EP400: variants seen among roughly 807,000 people sequenced by gnomAD.
The protein encoded by EP400 is E1A binding protein p400, also known as E1A-binding protein p400.
Under a neutral mutation model 354.1 loss-of-function variants are expected in EP400, and 105 were observed. The observed-to-expected ratio is 0.30, with a 90% CI of 0.25 to 0.35. The LOEUF (loss-of-function observed/expected upper bound fraction) is 0.35. EP400 is among the 10% of genes least tolerant of loss of function. The pLI, the probability that EP400 is intolerant of heterozygous loss-of-function variation, is 1.00. For missense variants in EP400, 3,280 were observed against 4,121.0 expected (o/e 0.80, Z 5.59); for synonymous variants, 1,646 against 1,716.9 (o/e 0.96, Z 1.02).
Position 131,994,928 on chromosome 12 carries a change from A to G in EP400, c.2799A>G (p.Gln933=), listed in dbSNP as rs1198629793. ...EEANEGVVDH[Q]TELSNLAKEA... is the part of the protein sequence containing the mutation. ...CAAATGAAGGCGTTGTGGACCACCA[A>G]ACAGAACTTTCTAATTTAGCCAAGG... is the stretch of plus-strand genomic sequence containing the variant. Residue 933 remains glutamine, a synonymous_variant, in exon 12 of 53, where the codon CAA becomes CAG. Transcript: ENST00000389561. The surrounding 1 kb of genome is among the most constrained non-coding windows in gnomAD (Gnocchi z 4.6). 2 of 1,614,004 alleles carry G rather than the reference A, an allele frequency of 1.2e-6. No homozygotes were observed. The highest frequency in any genetic ancestry group is 2.7e-5 in the African/African-American group (2 of 74,934).
chr12:132,044,344 C>T lies in EP400; in HGVS notation c.6585+33C>T, dbSNP rs188094383. The T allele has an allele frequency of 4.4e-6, 7 of 1,599,276 alleles. No individual in the cohort carries two copies. In the Admixed American group the frequency reaches 5.1e-5, roughly 12 times the overall value. ...GCCCGGGGCCCTCCTGCCCTCTTGC[C>T]CCCCTGCTGAGGGGCACTTGTGCAG... On this transcript the variant is annotated intron_variant, in intron 35 of 52. Coordinates refer to ENST00000389561, the MANE Select transcript of EP400 (RefSeq NM_015409.5).
At chr12:132,019,867 G>A (rs1894067430) in intron 21 of EP400, among the ~76,000 whole-genome samples, 182 bp from the exon 22 acceptor site, 2 of 152,094 alleles carry the variant, frequency 1.3e-5, no homozygotes, top group East Asian at 1.9e-4. Flanking sequence ...CCCGGGCCCG[G>A]GGTGAGCTTA....
Position 132,025,898 on chromosome 12 carries a change from A to G in EP400, c.5014+94A>G. 2.2e-6 allele frequency: 3 copies of G among 1,383,220 alleles called. No individual in the cohort carries two copies. Among genetic ancestry groups the G allele is most frequent in the African/African-American group, 2.9e-5 (2 of 69,666 alleles). 85.7% of individuals were successfully genotyped at this position (1,383,220 alleles called of 1,614,324 possible). On this transcript the variant is annotated intron_variant, in intron 25 of 52. Transcript: ENST00000389561. The surrounding 1 kb of genome is among the most constrained non-coding windows in gnomAD (Gnocchi z 4.1). ...AAAGCATTCATGTGTCTTTGACTGTATCTCAGAACAGCACAGTCTAGTGTG... is the reference window on the plus strand; with the variant it reads ...AAAGCATTCATGTGTCTTTGACTGTGTCTCAGAACAGCACAGTCTAGTGTG...
chr12:132,013,730 A>C lies in EP400; in HGVS notation c.3787-47A>C, dbSNP rs1893836509. 3.0e-5 allele frequency: 48 copies of C among 1,610,718 alleles called. No individual in the cohort carries two copies. The highest frequency in any genetic ancestry group is 4.0e-5 in the Non-Finnish European group (47 of 1,178,374). On this transcript the variant is annotated intron_variant, in intron 18 of 52. Transcript: ENST00000389561. The surrounding 1 kb of genome is among the most constrained non-coding windows in gnomAD (Gnocchi z 4.5). The stretch of plus-strand genomic sequence containing the variant: ...GCGTATGCCTTGTTATAAACGTGTT[A>C]CAGCAGCATTTTTGGAAAGAAAACA...
At position 132,050,629 on chromosome 12, in the gene EP400, C is replaced by T. The variant is rs770082346; in HGVS notation, c.7368C>T (p.Pro2456=). 1 of 1,614,220 alleles carries T rather than the reference C, an allele frequency of 6.2e-7. No individual in the cohort carries two copies. The highest frequency in any genetic ancestry group is 8.5e-7 in the Non-Finnish European group (1 of 1,180,036). ...GCATGAATCCCTTTCAGAAGAACCC[C>T]AAGCACGCGTCTGTGTTGGCAGAAA... The part of the protein sequence containing the change: ...LLGMNPFQKN[P]KHASVLAESG... Residue 2456 remains proline, a synonymous_variant, in exon 41 of 53, where the codon CCC becomes CCT. Transcript: ENST00000389561. This position sits in a 1 kb window ranked among gnomAD's most constrained non-coding sequence, Gnocchi z 4.8.
intron 2 of EP400, chr12:131,963,577 G>A (rs1250472543): frequency 1.0e-5 from 16 of 1,598,328 alleles, no homozygotes; most frequent in African/African-American, 2.7e-5. Context: ...GACTCCCGTT[G>A]CTATAGCAAC....
intron 12 of EP400, among the ~76,000 whole-genome samples, chr12:131,999,638 C>T (rs372164347): frequency 6.6e-6 from 1 of 151,976 alleles, no homozygotes; most frequent in Admixed American, 6.6e-5. Context: ...AGGGTTTTAC[C>T]GTGTTGCCCA....
intron 2 of EP400, among the ~76,000 whole-genome samples, chr12:131,969,268 T>C (rs980433124): frequency 2.0e-5 from 3 of 152,184 alleles, no homozygotes; most frequent in African/African-American, 7.2e-5. Context: ...TTTTCTTCTT[T>C]AGTCTGTAAA....
In EP400 at chr12:132,064,656, C is replaced by A; in HGVS notation, c.8335-12C>A. 6.2e-7 allele frequency: 1 copy of A among 1,608,240 alleles called. No homozygotes were observed. The highest frequency in any genetic ancestry group is 8.5e-7 in the Non-Finnish European group (1 of 1,175,764). ...TTAATGTTGAAGAGAAGATACTTTG[C>A]TTGTATTTTAGGAACACCTCATCAA... On this transcript the variant is annotated splice_polypyrimidine_tract_variant and intron_variant, in intron 47 of 52. Transcript: ENST00000389561.
chr12:131,962,968 T>C (rs1268617552), intron 2 of EP400, among the ~76,000 whole-genome samples: 1 of 152,242 alleles, frequency 6.6e-6, no homozygotes, highest in Admixed American at 6.5e-5. Flanking sequence ...CATTTTGTGT[T>C]TTCTTTTAAC....
rs1350821193 is a variant in EP400, at chr12:132,027,919, CAT to C, written c.5110-95_5110-94del. The C allele has an allele frequency of 1.9e-5, 25 of 1,306,530 alleles. No individual in the cohort carries two copies. Among genetic ancestry groups the C allele is most frequent in the Non-Finnish European group, 2.6e-5 (24 of 935,302 alleles). The allele number at this position is 1,306,530 out of a possible 1,614,324, so 80.9% of individuals were successfully genotyped here. On this transcript the variant is annotated intron_variant, in intron 26 of 52. Transcript: ENST00000389561. The surrounding 1 kb of genome is among the most constrained non-coding windows in gnomAD (Gnocchi z 4.9). ...AGACCGGGGATATTGAAGTGGATCT[CAT>C]ATGTGGGAAATCACGGGCTGGGTGG...
rs1894223199 is a variant in EP400, at chr12:132,024,273, T to C, written c.4855+332T>C. Among the ~76,000 whole-genome samples, 3 of 152,300 alleles carry C rather than the reference T, an allele frequency of 2.0e-5. No individual in the cohort carries two copies. The South Asian group carries it at 6.2e-4, about 32-fold the overall frequency. On this transcript the variant is annotated intron_variant, in intron 24 of 52. Coordinates refer to ENST00000389561, the MANE Select transcript of EP400 (RefSeq NM_015409.5). Reference sequence around the variant, plus strand: ...CTGTGGTCCAAGCTACTCAGGAGGCTGAGGTGGGAAGATCACCTGAGCCCC... The same window carrying C: ...CTGTGGTCCAAGCTACTCAGGAGGCCGAGGTGGGAAGATCACCTGAGCCCC...
Position 132,028,087 on chromosome 12 carries a change from A to G in EP400, c.5180A>G (p.Gln1727Arg). The change falls in exon 27 of 53, where the codon CAA becomes CGA. Residue 1727 changes from glutamine to arginine, a missense_variant. By Grantham distance (43) the Gln-to-Arg change is conservative. Transcript: ENST00000389561. ...IYLVNERRCS[Q>R]APVYGRDLLR... ...TTAGTCAACGAGCGGCGCTGTTCTC[A>G]AGCTCCAGTCTATGGCAGAGACTTG... The G allele has an allele frequency of 6.2e-7, 1 of 1,614,176 alleles. No homozygotes were observed. The highest frequency in any genetic ancestry group is 1.3e-5 in the African/African-American group (1 of 75,044).
At position 132,070,779 on chromosome 12, in the gene EP400, T is replaced by A. The variant is rs567707426; in HGVS notation, c.9021+1138T>A. Among the ~76,000 whole-genome samples, 13 of 152,238 alleles carry A rather than the reference T, an allele frequency of 8.5e-5. No individual in the cohort carries two copies. The highest frequency in any genetic ancestry group is 1.8e-4 in the Non-Finnish European group (12 of 68,044). On this transcript the variant is annotated intron_variant, in intron 51 of 52. Transcript: ENST00000389561. This position sits in a 1 kb window ranked among gnomAD's most constrained non-coding sequence, Gnocchi z 4.1. ...TAATATTTTGTGAAAGTGTTATAGA[T>A]TATGTTAGTTTTATTCTTAAGCAAT...
chr12:132,038,133 G>C lies in EP400; in HGVS notation c.6207+37G>C, dbSNP rs749249745. 6.2e-7 allele frequency: 1 copy of C among 1,612,020 alleles called. No individual in the cohort carries two copies. The highest frequency in any genetic ancestry group is 1.1e-5 in the South Asian group (1 of 90,928). ...TTGAATCTGGCTGAAGAGTTGCACG[G>C]TGGGAGCCGGCGGAACACCTGCACC... On this transcript the variant is annotated intron_variant, in intron 32 of 52. Coordinates refer to ENST00000389561, the MANE Select transcript of EP400 (RefSeq NM_015409.5). This position sits in a 1 kb window ranked among gnomAD's most constrained non-coding sequence, Gnocchi z 4.2.
chr12:131,967,755 G>A (rs1256530371), intron 2 of EP400, among the ~76,000 whole-genome samples: 1 of 150,542 alleles, frequency 6.6e-6, no homozygotes, highest in Non-Finnish European at 1.5e-5. Context: ...GTACCATTTT[G>A]TGTTCCCAGT....
intron 2 of EP400, among the ~76,000 whole-genome samples, chr12:131,969,034 TCTTTA>T (rs1030616721): frequency 5.4e-5 from 8 of 149,316 alleles, no homozygotes; most frequent in African/African-American, 2.0e-4. Context: ...GCTTTTTATT[TCTTTA>T]CTTTTCTTTT....
chr12:132,018,279 C>G lies in EP400; in HGVS notation c.4180C>G (p.Leu1394Val), dbSNP rs779123298. The G allele has an allele frequency of 6.2e-7, 1 of 1,613,790 alleles. No individual in the cohort carries two copies. Among genetic ancestry groups the G allele is most frequent in the East Asian group, 2.2e-5 (1 of 44,866 alleles). ...AATCACTCGTCACGAGGCAGAGTTG[C>G]TGTCTAAGAAAAAGATACCGCGGAA... ...NKITRHEAEL[L>V]SKKKIPRKLM... Residue 1394 changes from leucine (L) to valine (V), a missense_variant, in exon 21 of 53, where the codon CTG becomes GTG. This residue lies in a region of EP400 where 342 missense variants were observed against 342.7 expected (regional missense o/e 1.00). Coordinates refer to ENST00000389561, the MANE Select transcript of EP400 (RefSeq NM_015409.5). The surrounding 1 kb of genome is among the most constrained non-coding windows in gnomAD (Gnocchi z 4.0).
rs1249165426 is a variant in EP400 at position 132,017,647 on chromosome 12, T to C, written c.4036T>C (p.Ser1346Pro). The change falls in exon 20 of 53, where the codon TCC (serine) becomes CCC (proline). Residue 1346 changes from serine (S) to proline (P), a missense_variant. Around this residue, in one of 20 missense-constraint regions of EP400, gnomAD observed 342 missense variants for 342.7 expected, o/e 1.00. Coordinates refer to ENST00000389561, the MANE Select transcript of EP400 (RefSeq NM_015409.5). This position sits in a 1 kb window ranked among gnomAD's most constrained non-coding sequence, Gnocchi z 5.0. Reference sequence around the variant, plus strand: ...CGTCGAGCCCCGGCACCCAGGCTCTTCCTACGTGGCGGGGCCACTGGAGTA... The same window carrying C: ...CGTCGAGCCCCGGCACCCAGGCTCTCCCTACGTGGCGGGGCCACTGGAGTA... ...GLVEPRHPGSSYVAGPLEYPS... is the reference protein window; with the variant it reads ...GLVEPRHPGSPYVAGPLEYPS... 1 of 1,604,170 alleles carries C rather than the reference T, an allele frequency of 6.2e-7. No individual in the cohort carries two copies. The highest frequency in any genetic ancestry group is 8.5e-7 in the Non-Finnish European group (1 of 1,174,244).
Sources: allele counts gnomAD v4.1 joint callset (sites outside exome capture counted in the v4.1 genomes callset), GRCh38; gene constraint gnomAD v4.1.1; regional missense constraint gnomAD v4.1.1; non-coding constraint Gnocchi (gnomAD v3.1); transcripts MANE v1.5; gene names NCBI Gene and HGNC (gene_info 2026-07-23, HGNC 2026-07-21).